The following ARGLU1 variants were observed in gnomAD, a reference collection of about 807,000 sequenced individuals.
ARGLU1 encodes the protein arginine and glutamate rich 1.
In ARGLU1, 9 loss-of-function variants were observed where a neutral mutation model predicts 37.6. The ratio of observed to expected loss-of-function variants is 0.24; its 90% confidence interval spans 0.14 to 0.42. The LOEUF is 0.42. Among genes scored for constraint, ARGLU1 ranks in the 10% least tolerant of loss-of-function variants. The probability of loss-of-function intolerance (pLI) is 1.00; values close to 1 mark genes in which losing one functional copy is unlikely to be tolerated. For missense variants in ARGLU1, 211 were observed against 359.2 expected (o/e 0.59, Z 3.34); for synonymous variants, 166 against 138.5 (o/e 1.20, Z -1.39).
At chr13:106,564,422 A>C (rs760919291) in intron 1 of ARGLU1, among the ~76,000 whole-genome samples, 1 of 152,248 alleles carries the variant, frequency 6.6e-6, no homozygotes, top group Non-Finnish European at 1.5e-5. Flanking sequence ...ACTCAGAATT[A>C]TAAGTGGTAA....
intron 3 of ARGLU1, among the ~76,000 whole-genome samples, chr13:106,555,451 GAC>G (rs1880638342): frequency 1.3e-5 from 2 of 152,138 alleles, no homozygotes; most frequent in Admixed American, 6.5e-5. Flanking sequence ...ATGGCCCACA[GAC>G]CACTTATAAT....
In ARGLU1 at chr13:106,543,204, C is replaced by A. The variant is rs1416239527; in HGVS notation, c.*792G>T. 1 of 152,340 alleles carries A rather than the reference C, an allele frequency of 6.6e-6. No homozygotes were observed. Among genetic ancestry groups the A allele is most frequent in the Non-Finnish European group, 1.5e-5 (1 of 67,908 alleles). 9.4% of individuals were successfully genotyped at this position (152,340 alleles called of 1,614,324 possible). The stretch of plus-strand genomic sequence containing the variant: ...CAAGTATATTTAATGTACATATAAA[C>A]CCTATGTTAAAAGTATAAACAAGAG... On this transcript the variant is annotated 3_prime_UTR_variant, in exon 4 of 4. Coordinates refer to ENST00000400198, the MANE Select transcript of ARGLU1 (RefSeq NM_018011.4).
At chr13:106,545,424 G>C (rs1200584526) in intron 3 of ARGLU1, among the ~76,000 whole-genome samples, 1 of 151,994 alleles carries the variant, frequency 6.6e-6, no homozygotes, top group Non-Finnish European at 1.5e-5. Context: ...CTTCTGTATG[G>C]TCAAAATCTA....
chr13:106,543,996 T>C lies in ARGLU1; in HGVS notation c.822A>G (p.Ter274=), dbSNP rs200630944. The C allele has an allele frequency of 9.2e-5, 146 of 1,582,790 alleles. 1 individual carries two copies. The African/African-American group carries it at 9.7e-4, about 10-fold the overall frequency. The part of the protein sequence containing the change: ...KLSFSLKTQD[*] ...TTGTAAAAAGTTCAGAGTTTGCAATTTAATCCTGGGTTTTTAATGAGAAGG... is the reference window on the plus strand; with the variant it reads ...TTGTAAAAAGTTCAGAGTTTGCAATCTAATCCTGGGTTTTTAATGAGAAGG... The change falls in exon 4 of 4, where the codon TAA becomes TAG. Residue 274 remains the stop codon, a stop_retained_variant. Coordinates refer to ENST00000400198, the MANE Select transcript of ARGLU1 (RefSeq NM_018011.4).
intron 3 of ARGLU1, among the ~76,000 whole-genome samples, chr13:106,545,944 T>G (rs1442099044): frequency 1.3e-5 from 2 of 152,232 alleles, no homozygotes; most frequent in African/African-American, 4.8e-5. Context: ...CTGGGAGACC[T>G]AGGACTTGCT....
rs1594185768 is a variant in ARGLU1, at chr13:106,542,618, TAAG to T, written c.*1375_*1377del. ...CTCTTTAGCTTATGTTTTCAATTTT[TAAG>T]AATAATCAAACTGTCTAAAAAATAT... is the stretch of plus-strand genomic sequence containing the variant. On this transcript the variant is annotated 3_prime_UTR_variant, in exon 4 of 4. Coordinates refer to ENST00000400198, the MANE Select transcript of ARGLU1 (RefSeq NM_018011.4). 1 of 152,222 alleles carries T rather than the reference TAAG, an allele frequency of 6.6e-6. No homozygotes were observed. The highest frequency in any genetic ancestry group is 1.9e-4 in the East Asian group (1 of 5,180). 9.4% of individuals were successfully genotyped at this position (152,222 alleles called of 1,614,324 possible).
At chr13:106,551,925 A>G (rs1236125824) in intron 3 of ARGLU1, among the ~76,000 whole-genome samples, 1 of 152,232 alleles carries the variant, frequency 6.6e-6, no homozygotes, top group African/African-American at 2.4e-5. Flanking sequence ...ATAATCCAGA[A>G]TAAACTCCCC....
At chr13:106,566,385 G>C (rs1880964357) in intron 1 of ARGLU1, among the ~76,000 whole-genome samples, 1 of 152,168 alleles carries the variant, frequency 6.6e-6, no homozygotes, top group Non-Finnish European at 1.5e-5. Flanking sequence ...AAACCACGCA[G>C]TCAATTCAGC....
intron 3 of ARGLU1, among the ~76,000 whole-genome samples, chr13:106,545,487 G>T (rs1333998346): frequency 1.3e-5 from 2 of 151,978 alleles, no homozygotes; most frequent in East Asian, 3.9e-4. Flanking sequence ...GTTCACTTAA[G>T]TCTTTTAAAA....
At chr13:106,549,986 T>C (rs1880494738) in intron 3 of ARGLU1, among the ~76,000 whole-genome samples, 2 of 152,238 alleles carry the variant, frequency 1.3e-5, no homozygotes, top group East Asian at 1.9e-4. Context: ...AAAGGTATTA[T>C]CTAGATGTGG....
chr13:106,559,120 C>A, intron 2 of ARGLU1: 1 of 1,287,038 alleles, frequency 7.8e-7, no homozygotes, highest in Non-Finnish European at 1.0e-6. Flanking sequence ...CTCCCTGTCT[C>A]CCCACCGTCC....
In ARGLU1 at chr13:106,543,859, A is replaced by T; in HGVS notation, c.*137T>A. 1.4e-6 allele frequency: 1 copy of T among 707,992 alleles called. No individual in the cohort carries two copies. Among genetic ancestry groups the T allele is most frequent in the Non-Finnish European group, 2.2e-6 (1 of 448,996 alleles). The allele number at this position is 707,992 out of a possible 1,614,324, so 43.9% of individuals were successfully genotyped here. A position where few individuals can be genotyped will look rare whatever the true frequency, so the allele number is the denominator to read the frequency against. On this transcript the variant is annotated 3_prime_UTR_variant, in exon 4 of 4. Coordinates refer to ENST00000400198, the MANE Select transcript of ARGLU1 (RefSeq NM_018011.4). The stretch of plus-strand genomic sequence containing the variant: ...AAAAAAAAAGGGAATTGCAGAGCAT[A>T]GCCCCTATTAGAACAAGCTAACTTT...
In ARGLU1 at chr13:106,568,124, A is replaced by G. The variant is rs1270511688; in HGVS notation, c.-205T>C. 5.4e-6 allele frequency: 4 copies of G among 737,082 alleles called. No homozygotes were observed. In the African/African-American group the frequency reaches 7.5e-5, roughly 14 times the overall value. The allele number at this position is 737,082 out of a possible 1,614,324, so 45.7% of individuals were successfully genotyped here. A position where few individuals can be genotyped will look rare whatever the true frequency, so the allele number is the denominator to read the frequency against. ...GAAACCCGTAGCGCCAGGCGCCCCT[A>G]AGATGGCAGCTGCGGCTGCACCGGC... On this transcript the variant is annotated 5_prime_UTR_variant, in exon 1 of 4. Coordinates refer to ENST00000400198, the MANE Select transcript of ARGLU1 (RefSeq NM_018011.4).
In ARGLU1 at chr13:106,557,627, A is replaced by G; in HGVS notation, c.574-496T>C. On this transcript the variant is annotated intron_variant, in intron 2 of 3. Transcript: ENST00000400198. The surrounding 1 kb of genome is among the most constrained non-coding windows in gnomAD (Gnocchi z 5.0). The stretch of plus-strand genomic sequence containing the variant: ...ACGCGCCAGCTTCCTCTTTAAAATG[A>G]TTTGTACTGTTAGCTTGGCAATACC... 1 of 1,598,352 alleles carries G rather than the reference A, an allele frequency of 6.3e-7. No homozygotes were observed. The highest frequency in any genetic ancestry group is 2.2e-5 in the East Asian group (1 of 44,536).
chr13:106,565,621 T>G (rs973500318), intron 1 of ARGLU1, among the ~76,000 whole-genome samples: 2 of 152,228 alleles, frequency 1.3e-5, no homozygotes, highest in African/African-American at 2.4e-5. Context: ...ATATGTAGAC[T>G]GCAAACTGTT....
chr13:106,549,161 C>G (rs1253003417), intron 3 of ARGLU1, among the ~76,000 whole-genome samples: 1 of 152,204 alleles, frequency 6.6e-6, no homozygotes, highest in Non-Finnish European at 1.5e-5. Flanking sequence ...TTCTTAGCAA[C>G]AGTCCCTTTA....
At chr13:106,544,669 T>C (rs1469782887) in intron 3 of ARGLU1, among the ~76,000 whole-genome samples, 1 of 152,064 alleles carries the variant, frequency 6.6e-6, no homozygotes, top group Non-Finnish European at 1.5e-5. Flanking sequence ...TATCTACCAA[T>C]TGCCATATTT....
chr13:106,554,360 G>A (rs1216242454), intron 3 of ARGLU1, among the ~76,000 whole-genome samples: 1 of 151,986 alleles, frequency 6.6e-6, no homozygotes, highest in African/African-American at 2.4e-5. Context: ...GCTTTATATG[G>A]TATCAAGTAC....
rs1468351268 is a variant in ARGLU1 at position 106,557,850 on chromosome 13, C to T, written c.574-719G>A. 3.3e-5 allele frequency: 33 copies of T among 985,390 alleles called. No individual in the cohort carries two copies. The highest frequency in any genetic ancestry group is 3.9e-5 in the Non-Finnish European group (32 of 829,930). The allele number at this position is 985,390 out of a possible 1,614,324, so 61.0% of individuals were successfully genotyped here. ...ACTTCATGGAACTACGGGCTTCTTC[C>T]ATGGGGAAAATGGACTTAACATTCA... On this transcript the variant is annotated intron_variant, in intron 2 of 3. Coordinates refer to ENST00000400198, the MANE Select transcript of ARGLU1 (RefSeq NM_018011.4). The surrounding 1 kb of genome is among the most constrained non-coding windows in gnomAD (Gnocchi z 5.0).
Sources: gnomAD v4.1 joint callset for allele counts (sites outside exome capture counted in the v4.1 genomes callset) on GRCh38, gnomAD v4.1.1 for gene constraint, Gnocchi (gnomAD v3.1) non-coding constraint, MANE v1.5 for transcripts, NCBI Gene and HGNC (gene_info 2026-07-23, HGNC 2026-07-21) for gene names.